Variants in KDM4C observed in about 807,000 individuals in gnomAD.
The protein encoded by KDM4C is lysine demethylase 4C, also known as lysine-specific demethylase 4C.
Under a neutral mutation model 129.3 loss-of-function variants are expected in KDM4C, and 81 were observed. That is an observed-to-expected ratio of 0.63 (90% CI 0.52 to 0.75). The LOEUF (loss-of-function observed/expected upper bound fraction) is 0.75, where lower values mean the gene tolerates loss of function less well. Ranked by LOEUF, KDM4C falls within the 30% of genes least tolerant of loss-of-function variation. The pLI is 0.00. For synonymous variants in KDM4C, 573 were observed against 456.1 expected (o/e 1.26, Z -3.26); for missense variants, 1,457 against 1,304.0 (o/e 1.12, Z -1.81).
In KDM4C at chr9:6,834,187, C is replaced by T. The variant is rs572704410; in HGVS notation, c.436-15320C>T. On this transcript the variant is annotated intron_variant, in intron 4 of 21. Coordinates refer to ENST00000381309, the MANE Select transcript of KDM4C (RefSeq NM_015061.6). ...CCAAAAAGCTGGGACTACAGGCGTG[C>T]GCCACCATGCCCAGTTAATTGTATT... Among the ~76,000 whole-genome samples, 38 of 152,036 alleles carry T rather than the reference C, an allele frequency of 2.5e-4. No individual in the cohort carries two copies. The South Asian group carries it at 5.2e-3, about 21-fold the overall frequency.
At position 6,938,163 on chromosome 9, in the gene KDM4C, A is replaced by G. The variant is rs150267773; in HGVS notation, c.922-42762A>G. Among the ~76,000 whole-genome samples the G allele has an allele frequency of 8.5e-3, 1,289 of 152,198 alleles. 11 individuals carry two copies. The highest frequency in any genetic ancestry group is 0.028 in the African/African-American group (1,155 of 41,528). On this transcript the variant is annotated intron_variant, in intron 8 of 21. Coordinates refer to ENST00000381309, the MANE Select transcript of KDM4C (RefSeq NM_015061.6). ...CACCTGCACTGCCCTCCTCCAGCCA[A>G]TGTTTGCATGTTTGTGTGAATGAAT...
chr9:7,024,369 A>G (rs573631421), intron 15 of KDM4C, among the ~76,000 whole-genome samples: 199 of 146,844 alleles, frequency 1.4e-3, no homozygotes, highest in Non-Finnish European at 2.5e-3. Context: ...GTTTTAGGGT[A>G]CATGTGCACA....
At chr9:7,136,372 G>C (rs1007654807) in intron 19 of KDM4C, among the ~76,000 whole-genome samples, 1 of 152,172 alleles carries the variant, frequency 6.6e-6, no homozygotes, top group South Asian at 2.1e-4. Context: ...AAGTTATATG[G>C]TAAGTGTGTG....
chr9:7,005,162 G>A (rs1488189826), intron 12 of KDM4C, among the ~76,000 whole-genome samples: 3 of 152,188 alleles, frequency 2.0e-5, no homozygotes, highest in Non-Finnish European at 4.4e-5. Context: ...TAGGCTGGGT[G>A]CAGTGGCTCA....
intron 5 of KDM4C, among the ~76,000 whole-genome samples, chr9:6,857,932 T>G (rs1048440126): frequency 6.8e-6 from 1 of 148,132 alleles, no homozygotes; most frequent in African/African-American, 2.5e-5. Context: ...GTTTTTTTTT[T>G]TTTTTTTTTT....
At chr9:7,082,846 C>A (rs950226963) in intron 17 of KDM4C, among the ~76,000 whole-genome samples, 4 of 151,990 alleles carry the variant, frequency 2.6e-5, no homozygotes, top group African/African-American at 9.7e-5. Context: ...AATTAATAAT[C>A]AAGTTGTATG....
At chr9:6,835,545 C>G in intron 4 of KDM4C, 1 of 1,360,942 alleles carries the variant, frequency 7.3e-7, no homozygotes, top group East Asian at 2.3e-5. Flanking sequence ...ATGATGAGTC[C>G]GGCTCCATCA....
intron 19 of KDM4C, among the ~76,000 whole-genome samples, chr9:7,133,299 A>C (rs1168553697): frequency 1.3e-5 from 2 of 152,132 alleles, no homozygotes; most frequent in Admixed American, 1.3e-4. Context: ...GTGTCCTCAG[A>C]ACTTCATGCC....
chr9:6,849,195 G>T (rs1016912840), intron 4 of KDM4C, among the ~76,000 whole-genome samples: 2 of 152,188 alleles, frequency 1.3e-5, no homozygotes, highest in African/African-American at 4.8e-5. Context: ...CTTTGAATCA[G>T]TAATTTTTTG....
At chr9:6,998,172 G>A (rs917954693) in intron 12 of KDM4C, among the ~76,000 whole-genome samples, 2 of 152,162 alleles carry the variant, frequency 1.3e-5, no homozygotes, top group African/African-American at 4.8e-5. Context: ...CCCTATCTCT[G>A]TAATGTCTGC....
intron 1 of KDM4C, among the ~76,000 whole-genome samples, chr9:6,791,022 T>TAG (rs1826482603): frequency 6.6e-6 from 1 of 152,210 alleles, no homozygotes; most frequent in Non-Finnish European, 1.5e-5. Context: ...TTCTGCTGCC[T>TAG]AGAGTGCCCT....
chr9:6,816,030 A>G (rs2779739), intron 4 of KDM4C, among the ~76,000 whole-genome samples: 2 of 152,060 alleles, frequency 1.3e-5, no homozygotes, highest in Non-Finnish European at 2.9e-5. Context: ...GACCATATTC[A>G]AATTTTCCCA....
chr9:7,082,435 C>T (rs937520284), intron 17 of KDM4C, among the ~76,000 whole-genome samples: 1 of 152,180 alleles, frequency 6.6e-6, no homozygotes, highest in Non-Finnish European at 1.5e-5. Context: ...AAGAATGATG[C>T]CACAAACCAT....
At chr9:6,979,769 A>G (rs1040770651) in intron 8 of KDM4C, among the ~76,000 whole-genome samples, 6 of 152,190 alleles carry the variant, frequency 3.9e-5, no homozygotes, top group Non-Finnish European at 8.8e-5. Flanking sequence ...TGCTGGCAGA[A>G]GGAATTGAGA....
chr9:6,929,963 A>C (rs1297930735), intron 8 of KDM4C, among the ~76,000 whole-genome samples: 2 of 152,104 alleles, frequency 1.3e-5, no homozygotes, highest in African/African-American at 4.8e-5. Context: ...TCCCTTAAGG[A>C]TGTTACTCAC....
chr9:6,938,967 G>A (rs1169221215), intron 8 of KDM4C, among the ~76,000 whole-genome samples: 1 of 151,976 alleles, frequency 6.6e-6, no homozygotes, highest in African/African-American at 2.4e-5. Context: ...TCTGTCTGTA[G>A]TTTCTAACAT....
intron 8 of KDM4C, chr9:6,925,135 A>T (rs769741614): frequency 5.0e-5 from 49 of 985,322 alleles, no homozygotes; most frequent in Non-Finnish European, 5.8e-5. Context: ...TCTTTCATGG[A>T]TGCCAAGCAG....
At chr9:6,943,471 C>T (rs7040935) in intron 8 of KDM4C, among the ~76,000 whole-genome samples, 13 of 151,782 alleles carry the variant, frequency 8.6e-5, no homozygotes, top group South Asian at 2.1e-4. Context: ...CACTTCAGGA[C>T]GCCTAGTGGG....
chr9:6,910,857 A>C (rs565062500), intron 8 of KDM4C, among the ~76,000 whole-genome samples: 4 of 152,366 alleles, frequency 2.6e-5, no homozygotes, highest in African/African-American at 9.6e-5. Context: ...TGGTACATCC[A>C]GTCATGATAT....
Sources: gnomAD v4.1 joint callset for allele counts (sites outside exome capture counted in the v4.1 genomes callset) on GRCh38, gnomAD v4.1.1 for gene constraint, MANE v1.5 for transcripts, NCBI Gene and HGNC (gene_info 2026-07-23, HGNC 2026-07-21) for gene names.